The following SGMS1 variants were observed in gnomAD, a reference collection of about 807,000 sequenced individuals.
The protein encoded by SGMS1 is sphingomyelin synthase 1, also known as phosphatidylcholine:ceramide cholinephosphotransferase 1.
SGMS1 carries 13 observed loss-of-function variants against 46.2 expected under a neutral mutation model. The ratio of observed to expected loss-of-function variants is 0.28; its 90% CI spans 0.18 to 0.45. The LOEUF (loss-of-function observed/expected upper bound fraction) is 0.45, where lower values mean the gene tolerates loss of function less well. Among genes scored for constraint, SGMS1 ranks in the 20% least tolerant of loss-of-function variants. The probability of loss-of-function intolerance (pLI) is 1.00; values close to 1 mark genes in which losing one functional copy is unlikely to be tolerated. For missense variants in SGMS1, 324 were observed against 519.9 expected, an observed-to-expected ratio of 0.62 and a Z score of 3.66; for synonymous variants, 203 against 187.8, an observed-to-expected ratio of 1.08 and a Z score of -0.66.
chr10:50,457,321 G>A (rs774897643), intron 5 of SGMS1, among the ~76,000 whole-genome samples: 9 of 152,150 alleles, frequency 5.9e-5, no homozygotes, highest in Non-Finnish European at 1.3e-4. Flanking sequence ...CTATATCTAA[G>A]TGGTAATCTT....
intron 7 of SGMS1, among the ~76,000 whole-genome samples, chr10:50,336,447 G>T (rs959910271): frequency 3.3e-5 from 5 of 152,126 alleles, no homozygotes; most frequent in Non-Finnish European, 5.9e-5. Context: ...CACTTAGAAG[G>T]TTCCAGAGCT....
intron 2 of SGMS1, among the ~76,000 whole-genome samples, chr10:50,579,132 CA>C (rs1466328100): frequency 6.6e-6 from 1 of 151,606 alleles, no homozygotes; most frequent in African/African-American, 2.4e-5. Context: ...ACAATAAAAG[CA>C]ATCAGAGAAT....
intron 5 of SGMS1, among the ~76,000 whole-genome samples, chr10:50,440,628 G>C (rs1328866272): frequency 6.6e-6 from 1 of 152,126 alleles, no homozygotes; most frequent in Non-Finnish European, 1.5e-5. Flanking sequence ...CCAGAAACAG[G>C]CTCTCACTCT....
chr10:50,457,453 A>T (rs1837206127), intron 5 of SGMS1, among the ~76,000 whole-genome samples: 1 of 152,046 alleles, frequency 6.6e-6, no homozygotes, highest in African/African-American at 2.4e-5. Flanking sequence ...TTCAGGAGAT[A>T]TATGTGCAGG....
intron 6 of SGMS1, among the ~76,000 whole-genome samples, chr10:50,424,292 G>A (rs1327098305): frequency 6.6e-6 from 1 of 152,136 alleles, no homozygotes; most frequent in Non-Finnish European, 1.5e-5. Context: ...ACTTCTCTAT[G>A]GCTGAATAAA....
intron 2 of SGMS1, among the ~76,000 whole-genome samples, chr10:50,575,759 C>A (rs1302086083): frequency 6.6e-6 from 1 of 151,822 alleles, no homozygotes; most frequent in Non-Finnish European, 1.5e-5. Flanking sequence ...TTTTTGTATA[C>A]AAATTATATC....
At chr10:50,557,707 A>G (rs1838200248) in intron 2 of SGMS1, among the ~76,000 whole-genome samples, 1 of 150,944 alleles carries the variant, frequency 6.6e-6, no homozygotes, top group Admixed American at 6.6e-5. Flanking sequence ...AAAAAATGGC[A>G]GCCAAAAAAA....
At chr10:50,620,390 T>C (rs1241254289) in intron 1 of SGMS1, among the ~76,000 whole-genome samples, 1 of 152,252 alleles carries the variant, frequency 6.6e-6, no homozygotes, top group Non-Finnish European at 1.5e-5. Flanking sequence ...GAAGAGACTG[T>C]TATGGCTATA....
chr10:50,499,527 T>C (rs1837643856), intron 3 of SGMS1, among the ~76,000 whole-genome samples: 2 of 152,220 alleles, frequency 1.3e-5, no homozygotes, highest in Admixed American at 1.3e-4. Context: ...AATTCATATA[T>C]ATACTCACCA....
intron 6 of SGMS1, among the ~76,000 whole-genome samples, chr10:50,379,274 C>G (rs1394615124): frequency 6.6e-6 from 1 of 152,190 alleles, no homozygotes; most frequent in East Asian, 1.9e-4. Context: ...AAATATCCTT[C>G]ACTGTGGTTT....
At chr10:50,562,797 G>C (rs1308565146) in intron 2 of SGMS1, among the ~76,000 whole-genome samples, 1 of 152,120 alleles carries the variant, frequency 6.6e-6, no homozygotes, top group Non-Finnish European at 1.5e-5. Flanking sequence ...GCCCGCCTTG[G>C]CCTCCCAAAG....
chr10:50,311,455 A>G (rs1182221260), intron 8 of SGMS1, 40 bp from the exon 9 acceptor site: 1 of 1,595,176 alleles, frequency 6.3e-7, no homozygotes, highest in East Asian at 2.3e-5. Context: ...AAGATTCATT[A>G]CGAGCCCACA....
chr10:50,381,661 G>T (rs1011155230), intron 6 of SGMS1, among the ~76,000 whole-genome samples: 2 of 152,132 alleles, frequency 1.3e-5, no homozygotes, highest in Non-Finnish European at 2.9e-5. Flanking sequence ...TGTGTATTTT[G>T]CCAGATTTTA....
At chr10:50,563,202 C>T (rs1157500141) in intron 2 of SGMS1, among the ~76,000 whole-genome samples, 1 of 152,140 alleles carries the variant, frequency 6.6e-6, no homozygotes, top group Non-Finnish European at 1.5e-5. Flanking sequence ...TCCTCGTGGT[C>T]GGCCCCGGGC....
intron 2 of SGMS1, among the ~76,000 whole-genome samples, chr10:50,582,574 C>T (rs1838444905): frequency 1.3e-5 from 2 of 152,250 alleles, no homozygotes; most frequent in South Asian, 2.1e-4. Flanking sequence ...CTGATTAAAC[C>T]ATCAGCAAAC....
chr10:50,500,145 G>C (rs532464927), intron 3 of SGMS1, among the ~76,000 whole-genome samples: 1 of 152,170 alleles, frequency 6.6e-6, no homozygotes, highest in South Asian at 2.1e-4. Context: ...TTCAGCCTGG[G>C]TGACAGAGCG....
chr10:50,624,557 A>C (rs1271635991), upstream of SGMS1: 1 of 976,802 alleles, frequency 1.0e-6, no homozygotes, highest in Non-Finnish European at 1.2e-6. Flanking sequence ...TAACCGCGCG[A>C]GGTGAAAACT....
intron 6 of SGMS1, among the ~76,000 whole-genome samples, chr10:50,344,801 G>T (rs1051073388): frequency 6.6e-6 from 1 of 151,930 alleles, no homozygotes; most frequent in African/African-American, 2.4e-5. Flanking sequence ...GAACCCGGGA[G>T]GCGGAGCTTG....
intron 6 of SGMS1, among the ~76,000 whole-genome samples, chr10:50,385,905 CTCTG>C (rs986671021): frequency 3.9e-5 from 6 of 152,108 alleles, no homozygotes; most frequent in African/African-American, 1.4e-4. Flanking sequence ...CTGTGAAGGG[CTCTG>C]TCTCACTTGT....
Sources: allele counts gnomAD v4.1 joint callset (sites outside exome capture counted in the v4.1 genomes callset), GRCh38; gene constraint gnomAD v4.1.1; transcripts MANE v1.5; gene names NCBI Gene and HGNC (gene_info 2026-07-23, HGNC 2026-07-21).